The following MICU1 variants were observed in gnomAD, a reference collection of about 807,000 sequenced individuals.
The protein encoded by MICU1 is mitochondrial calcium uptake 1.
A neutral mutation model predicts 56.8 loss-of-function variants in MICU1; 45 were observed. That is an observed-to-expected ratio of 0.79 (90% CI 0.62 to 1.02). MICU1 has a LOEUF of 1.02. MICU1 is among the 50% of genes least tolerant of loss of function. The probability of loss-of-function intolerance (pLI) is 0.00; values close to 1 mark genes in which losing one functional copy is unlikely to be tolerated. For synonymous variants in MICU1, 186 were observed against 195.1 expected, an observed-to-expected ratio of 0.95 and a Z score of 0.39; for missense variants, 504 against 587.1, an observed-to-expected ratio of 0.86 and a Z score of 1.46.
intron 3 of MICU1, among the ~76,000 whole-genome samples, chr10:72,555,925 T>A (rs1428704042): frequency 6.6e-6 from 1 of 152,204 alleles, no homozygotes; most frequent in Non-Finnish European, 1.5e-5. Context: ...ATGGCTTAAT[T>A]TTGGTAGAAT....
At chr10:72,405,392 T>G in intron 10 of MICU1, among the ~76,000 whole-genome samples, 1 of 152,006 alleles carries the variant, frequency 6.6e-6, no homozygotes, top group East Asian at 1.9e-4. Flanking sequence ...GCTAATTTTT[T>G]GTATTTCTAG....
Position 72,367,987 on chromosome 10 carries a change from C to A in MICU1, c.*208G>T. The A allele has an allele frequency of 1.9e-6, 1 of 532,678 alleles. No individual in the cohort carries two copies. The highest frequency in any genetic ancestry group is 3.3e-6 in the Non-Finnish European group (1 of 299,376). The allele number at this position is 532,678 out of a possible 1,614,324, so 33.0% of individuals were successfully genotyped here. On this transcript the variant is annotated 3_prime_UTR_variant, in exon 12 of 12. Coordinates refer to ENST00000361114, the MANE Select transcript of MICU1 (RefSeq NM_001195518.2). ...ACAGACTTGTTCATGTTTTTGAGAACCTATGGGGATACTCATTGGGCAGAA... is the reference window on the plus strand; with the variant it reads ...ACAGACTTGTTCATGTTTTTGAGAAACTATGGGGATACTCATTGGGCAGAA...
At chr10:72,575,886 A>T (rs1375376944) in intron 1 of MICU1, among the ~76,000 whole-genome samples, 2 of 152,156 alleles carry the variant, frequency 1.3e-5, no homozygotes, top group Admixed American at 1.3e-4. Flanking sequence ...GTTCAAGTGA[A>T]AGGACAAATT....
At chr10:72,477,675 C>T in intron 6 of MICU1, 1 of 785,878 alleles carries the variant, frequency 1.3e-6, no homozygotes, top group Non-Finnish European at 2.0e-6. Flanking sequence ...ACATCTTAGT[C>T]TTACCCTCAC....
At chr10:72,547,276 C>T (rs543057367) in intron 4 of MICU1, among the ~76,000 whole-genome samples, 11 of 152,080 alleles carry the variant, frequency 7.2e-5, no homozygotes, top group Admixed American at 5.2e-4. Context: ...TGGCCTCAAG[C>T]GGTCCTCCTG....
At chr10:72,440,249 A>T (rs974785858) in intron 8 of MICU1, among the ~76,000 whole-genome samples, 2 of 152,192 alleles carry the variant, frequency 1.3e-5, no homozygotes, top group Non-Finnish European at 2.9e-5. Context: ...AACACCATAC[A>T]TCTACAATCA....
intron 6 of MICU1, among the ~76,000 whole-genome samples, chr10:72,501,564 A>C (rs1867068901): frequency 1.3e-5 from 2 of 152,146 alleles, no homozygotes; most frequent in South Asian, 4.1e-4. Context: ...TGCAGCTTAT[A>C]TTCTAGATTG....
rs201315824 is a variant in MICU1, at chr10:72,475,275, T to A, written c.758A>T (p.Gln253Leu). ...TCTGTGGCGCATACCCATACTGGTTTGGGAGCGAATGATGCTCTGAACCTA... is the reference window on the plus strand; with the variant it reads ...TCTGTGGCGCATACCCATACTGGTTAGGGAGCGAATGATGCTCTGAACCTA... Reference protein sequence around the residue: ...FEQVQSIIRSQTSMGMRHRDR... With the variant: ...FEQVQSIIRSLTSMGMRHRDR... The change falls in exon 8 of 12, where the codon CAA (glutamine) becomes CTA (leucine). Residue 253 changes from glutamine to leucine, a missense_variant. Physicochemically the swap from Gln to Leu is moderately radical, Grantham distance 113. Coordinates refer to ENST00000361114, the MANE Select transcript of MICU1 (RefSeq NM_001195518.2). The A allele has an allele frequency of 4.4e-5, 71 of 1,606,214 alleles. No individual in the cohort carries two copies. In the African/African-American group the frequency reaches 9.2e-4, roughly 21 times the overall value.
chr10:72,500,276 A>ATT (rs1866991806), intron 6 of MICU1, among the ~76,000 whole-genome samples: 1 of 11,542 alleles, frequency 8.7e-5, no homozygotes, highest in African/African-American at 2.0e-4. Context: ...ATATATATAT[A>ATT]TATATATATA....
chr10:72,424,316 T>A (rs754345147), intron 8 of MICU1, among the ~76,000 whole-genome samples: 1 of 152,158 alleles, frequency 6.6e-6, no homozygotes, highest in Non-Finnish European at 1.5e-5. Flanking sequence ...TTTCACCATG[T>A]TGGCCAGGCT....
intron 4 of MICU1, among the ~76,000 whole-genome samples, chr10:72,536,598 G>A (rs577619589): frequency 1.3e-4 from 19 of 151,944 alleles, no homozygotes; most frequent in African/African-American, 4.6e-4. Context: ...TGATCCGCCC[G>A]CCTCAGCCTC....
chr10:72,526,669 T>C (rs1867971769), intron 5 of MICU1, among the ~76,000 whole-genome samples: 1 of 152,206 alleles, frequency 6.6e-6, no homozygotes, highest in African/African-American at 2.4e-5. Flanking sequence ...TGATGCTATA[T>C]TTAACATATA....
chr10:72,557,865 G>A (rs369375381), intron 3 of MICU1, among the ~76,000 whole-genome samples: 2 of 152,150 alleles, frequency 1.3e-5, no homozygotes, highest in South Asian at 4.1e-4. Flanking sequence ...ACTGAGTCGA[G>A]TGTCCAGCAG....
intron 4 of MICU1, among the ~76,000 whole-genome samples, chr10:72,534,357 T>C (rs950629433): frequency 2.6e-5 from 4 of 152,166 alleles, no homozygotes; most frequent in African/African-American, 9.7e-5. Flanking sequence ...TTCGGTGGCA[T>C]TGAGGGCAGG....
intron 8 of MICU1, among the ~76,000 whole-genome samples, chr10:72,452,983 G>A (rs1865345669): frequency 6.6e-6 from 1 of 152,192 alleles, no homozygotes; most frequent in African/African-American, 2.4e-5. Context: ...GGAAGGATGT[G>A]TGTCCCATTA....
intron 1 of MICU1, among the ~76,000 whole-genome samples, chr10:72,606,130 CAAAAA>C (rs11317547): frequency 8.1e-6 from 1 of 124,148 alleles, no homozygotes; most frequent in Non-Finnish European, 1.7e-5. Flanking sequence ...GACTCCATCT[CAAAAA>C]AAAAAAAAAA....
intron 8 of MICU1, among the ~76,000 whole-genome samples, chr10:72,471,314 G>A (rs1865943926): frequency 6.6e-6 from 1 of 152,194 alleles, no homozygotes; most frequent in South Asian, 2.1e-4. Flanking sequence ...TCAATCTCCT[G>A]ACTTCGTGAT....
chr10:72,585,126 C>T (rs1183014458), intron 1 of MICU1, among the ~76,000 whole-genome samples: 6 of 145,128 alleles, frequency 4.1e-5, no homozygotes, highest in Non-Finnish European at 7.6e-5. Flanking sequence ...TTCCCTCTGT[C>T]CCCCAGGCTG....
chr10:72,386,197 A>G (rs1053202161), intron 10 of MICU1, among the ~76,000 whole-genome samples: 3 of 150,888 alleles, frequency 2.0e-5, no homozygotes, highest in African/African-American at 4.9e-5. Context: ...TTTTTTTTGG[A>G]GGGGGACGGA....
Sources: gnomAD v4.1 joint callset for allele counts (sites outside exome capture counted in the v4.1 genomes callset) on GRCh38, gnomAD v4.1.1 for gene constraint, MANE v1.5 for transcripts, NCBI Gene and HGNC (gene_info 2026-07-23, HGNC 2026-07-21) for gene names.